The following USP14 variants were observed in gnomAD, a reference collection of about 807,000 sequenced individuals.
USP14 encodes the protein ubiquitin specific peptidase 14.
A neutral mutation model predicts 76.5 loss-of-function variants in USP14; 38 were observed. The observed-to-expected ratio is 0.50, with a 90% confidence interval of 0.38 to 0.65. The LOEUF is 0.65. Ranked by LOEUF, USP14 falls within the 30% of genes least tolerant of loss-of-function variation. The pLI is 0.00. For synonymous variants in USP14, 192 were observed against 191.7 expected, an observed-to-expected ratio of 1.00 and a Z score of -0.01; for missense variants, 467 against 586.5, an observed-to-expected ratio of 0.80 and a Z score of 2.10.
At chr18:180,956 A>G (rs111721288) in intron 5 of USP14, among the ~76,000 whole-genome samples, 11,990 of 119,348 alleles carry the variant, frequency 0.1, 1 homozygote, top group South Asian at 0.14. Flanking sequence ...CCTCATTCCT[A>G]TTTTATGGCT....
chr18:163,266 C>T (rs369804135), intron 1 of USP14, 42 bp from the exon 2 acceptor site: 3 of 1,537,892 alleles, frequency 2.0e-6, no homozygotes, highest in Non-Finnish European at 1.8e-6. Flanking sequence ...TAAATCTTGT[C>T]TTGTTATTTT....
chr18:198,305 T>C (rs1190681337), intron 9 of USP14, among the ~76,000 whole-genome samples, 173 bp downstream of exon 9: 1 of 152,202 alleles, frequency 6.6e-6, no homozygotes, highest in Non-Finnish European at 1.5e-5. Flanking sequence ...TGGTGTGATC[T>C]TGACTCACTG....
chr18:179,417 A>T (rs1053610324), intron 4 of USP14, among the ~76,000 whole-genome samples: 1 of 152,116 alleles, frequency 6.6e-6, no homozygotes, highest in East Asian at 1.9e-4. Flanking sequence ...AGTAGTTTAA[A>T]TGTTGGGATA....
intron 3 of USP14, among the ~76,000 whole-genome samples, chr18:173,677 C>A (rs1358864816): frequency 1.3e-5 from 2 of 152,176 alleles, no homozygotes. Context: ...CCCACCTCGG[C>A]CTCCCAAAGT....
chr18:174,327 G>A (rs867048666), intron 3 of USP14, among the ~76,000 whole-genome samples: 26 of 145,246 alleles, frequency 1.8e-4, no homozygotes, highest in Admixed American at 4.9e-4. Context: ...GTGCAGTGGC[G>A]TGATCTCAGC....
rs572386384 is a variant in USP14, at chr18:178,353, T to C, written c.196-580T>C. 2.0e-5 allele frequency among the ~76,000 whole-genome samples: 3 copies of C among 152,276 alleles called. No homozygotes were observed. In the South Asian group the frequency reaches 6.2e-4, roughly 32 times the overall value. On this transcript the variant is annotated intron_variant, in intron 3 of 15. Transcript: ENST00000261601. ...GTTGTAAGTTTGTTATGGAGAGAGA[T>C]AATGCCACTAAATGTTAATGATCAT...
chr18:196,047 G>A (rs1418259180), intron 6 of USP14, among the ~76,000 whole-genome samples: 1 of 152,096 alleles, frequency 6.6e-6, no homozygotes, highest in East Asian at 1.9e-4. Context: ...AAGCAGCTGG[G>A]TGTGGTGGCT....
chr18:171,025 A>ATATATATATATATATATATATAT (rs1555762344), intron 3 of USP14, among the ~76,000 whole-genome samples: 23 of 47,636 alleles, frequency 4.8e-4, no homozygotes, highest in East Asian at 1.8e-3. Context: ...AAAAAAAAAA[A>ATATATATATATATATATATATAT]ATATATATAT....
intron 1 of USP14, 160 bp downstream of exon 1, chr18:158,874 C>A: frequency 1.7e-6 from 2 of 1,154,894 alleles, no homozygotes; most frequent in Non-Finnish European, 2.2e-6. Flanking sequence ...CGTCCCCTCT[C>A]CCGGCTGGGT....
chr18:197,895 A>G, intron 8 of USP14, 152 bp from the exon 9 acceptor site: 1 of 760,014 alleles, frequency 1.3e-6, no homozygotes, highest in African/African-American at 1.8e-5. Context: ...ATTAAACTTA[A>G]TTCATTGTTG....
intron 2 of USP14, among the ~76,000 whole-genome samples, chr18:166,266 G>A (rs1040379802): frequency 6.6e-6 from 1 of 152,028 alleles, no homozygotes; most frequent in African/African-American, 2.4e-5. Flanking sequence ...CTTTTGTATT[G>A]TGTTACCTTA....
Position 180,227 on chromosome 18 carries a change from T to TC in USP14, c.301-7dup, listed in dbSNP as rs1567829419. The TC allele has an allele frequency of 2.9e-6, 4 of 1,393,798 alleles. No homozygotes were observed. The highest frequency in any genetic ancestry group is 3.9e-6 in the Non-Finnish European group (4 of 1,034,018). The allele number at this position is 1,393,798 out of a possible 1,614,324, so 86.3% of individuals were successfully genotyped here. On this transcript the variant is annotated splice_polypyrimidine_tract_variant and intron_variant, in intron 4 of 15. Transcript: ENST00000261601. Reference sequence around the variant, plus strand: ...GATTTAATCCTTTTTTTTTTTTTTTTCCAACTAGATGGAGTTACCATGTGG... The same window carrying TC: ...GATTTAATCCTTTTTTTTTTTTTTTTCCCAACTAGATGGAGTTACCATGTGG...
At chr18:206,121 T>C (rs1910523058) in intron 13 of USP14, among the ~76,000 whole-genome samples, 1 of 152,250 alleles carries the variant, frequency 6.6e-6, no homozygotes, top group Non-Finnish European at 1.5e-5. Flanking sequence ...TGTTTAGTTT[T>C]TCAGGAAACT....
At chr18:203,005 T>A in intron 11 of USP14, 60 bp downstream of exon 11, 2 of 1,606,016 alleles carry the variant, frequency 1.2e-6, no homozygotes, top group Non-Finnish European at 1.7e-6. Context: ...TCCAGTTAAT[T>A]AATTTTATCC....
chr18:179,069 A>C (rs1909708837), intron 4 of USP14, 32 bp downstream of exon 4: 1 of 1,503,366 alleles, frequency 6.7e-7, no homozygotes. Flanking sequence ...GTGTTTGATC[A>C]CTACTTTTTG....
At chr18:196,123 C>G (rs1910225637) in intron 6 of USP14, among the ~76,000 whole-genome samples, 1 of 152,000 alleles carries the variant, frequency 6.6e-6, no homozygotes, top group African/African-American at 2.4e-5. Context: ...GAGTTCGAGA[C>G]CAGCCTGGCC....
At chr18:166,410 G>A (rs1012810646) in intron 2 of USP14, among the ~76,000 whole-genome samples, 3 of 151,772 alleles carry the variant, frequency 2.0e-5, no homozygotes, top group African/African-American at 7.3e-5. Context: ...TCGGCTCACT[G>A]TAACCTCTGC....
chr18:191,485 A>G (rs1288849324), intron 5 of USP14, among the ~76,000 whole-genome samples: 2 of 152,210 alleles, frequency 1.3e-5, no homozygotes, highest in Non-Finnish European at 2.9e-5. Flanking sequence ...CAGTTTTGAC[A>G]AATGCAAATT....
At position 213,312 on chromosome 18, in the gene USP14, T is replaced by A. The variant is rs1315718556; in HGVS notation, c.*2028T>A. ...CAAAGTATATAAGCCTTGTATGGAC[T>A]ATATTAGAATTTTAAAAATTGTAAT... On this transcript the variant is annotated 3_prime_UTR_variant, in exon 16 of 16. Transcript: ENST00000261601. The A allele has an allele frequency of 3.9e-5, 6 of 152,072 alleles. No individual in the cohort carries two copies. Among genetic ancestry groups the A allele is most frequent in the Non-Finnish European group, 1.5e-5 (1 of 68,012 alleles). 9.4% of individuals were successfully genotyped at this position (152,072 alleles called of 1,614,324 possible).
Sources: allele counts gnomAD v4.1 joint callset (sites outside exome capture counted in the v4.1 genomes callset), GRCh38; gene constraint gnomAD v4.1.1; transcripts MANE v1.5; gene names NCBI Gene and HGNC (gene_info 2026-07-23, HGNC 2026-07-21).